STXBP6: variants seen among roughly 807,000 people sequenced by gnomAD.
The protein encoded by STXBP6 is syntaxin binding protein 6.
A neutral mutation model predicts 26.9 loss-of-function variants in STXBP6; 21 were observed. The observed-to-expected ratio is 0.78, with a 90% CI of 0.55 to 1.12. STXBP6 has a LOEUF of 1.12. Ranked by LOEUF, STXBP6 falls within the 50% of genes most tolerant of loss-of-function variation. The pLI is 0.00. For synonymous variants in STXBP6, 97 were observed against 92.6 expected (o/e 1.05, Z -0.27); for missense variants, 232 against 257.9 (o/e 0.90, Z 0.69).
chr14:24,921,285 T>C (rs2071968763), intron 2 of STXBP6, among the ~76,000 whole-genome samples: 1 of 152,158 alleles, frequency 6.6e-6, no homozygotes, highest in Non-Finnish European at 1.5e-5. Flanking sequence ...ACAAACCTGG[T>C]ATAAGCTATA....
chr14:24,892,827 C>T (rs141388012), intron 2 of STXBP6, among the ~76,000 whole-genome samples: 305 of 152,282 alleles, frequency 2.0e-3, no homozygotes, highest in African/African-American at 7.0e-3. Context: ...CAAGCAGGAG[C>T]AGGGGCTTGG....
intron 2 of STXBP6, among the ~76,000 whole-genome samples, chr14:24,902,745 T>C (rs1412500710): frequency 6.6e-6 from 1 of 152,140 alleles, no homozygotes; most frequent in African/African-American, 2.4e-5. Flanking sequence ...TAATCAGAAA[T>C]AAAACCCCAT....
chr14:24,927,026 A>T (rs1045462278), intron 2 of STXBP6, among the ~76,000 whole-genome samples: 1 of 152,198 alleles, frequency 6.6e-6, no homozygotes, highest in East Asian at 1.9e-4. Flanking sequence ...ATTTTAGTGG[A>T]CGCAAACAAG....
At chr14:25,046,720 C>G (rs949698853) in intron 1 of STXBP6, among the ~76,000 whole-genome samples, 7 of 152,200 alleles carry the variant, frequency 4.6e-5, no homozygotes, top group Non-Finnish European at 8.8e-5. Context: ...TTCAAGGCCA[C>G]AGTCTAGGTC....
chr14:25,012,950 T>C (rs912250689), intron 1 of STXBP6, among the ~76,000 whole-genome samples: 1 of 151,796 alleles, frequency 6.6e-6, no homozygotes, highest in Admixed American at 6.6e-5. Flanking sequence ...GGAAATGGCC[T>C]GGAAGGTGGC....
At chr14:24,940,877 G>A (rs139069488) in intron 2 of STXBP6, among the ~76,000 whole-genome samples, 2 of 152,136 alleles carry the variant, frequency 1.3e-5, no homozygotes, top group East Asian at 1.9e-4. Context: ...GTAGCCAGGT[G>A]TGGTGGCAGG....
In STXBP6 at chr14:24,996,140, A is replaced by C. The variant is rs528544067; in HGVS notation, c.-32-21290T>G. Among the ~76,000 whole-genome samples, 5 of 152,342 alleles carry C rather than the reference A, an allele frequency of 3.3e-5. No individual in the cohort carries two copies. The South Asian group carries it at 8.3e-4, about 25-fold the overall frequency. On this transcript the variant is annotated intron_variant, in intron 1 of 5. Coordinates refer to ENST00000323944, the MANE Select transcript of STXBP6 (RefSeq NM_001394410.1). ...CTTGTAGTTTTATAACTTCATGGGT[A>C]AAAGTAATAAACCTACATATATTTT...
chr14:24,952,366 G>A (rs889199193), intron 2 of STXBP6, among the ~76,000 whole-genome samples: 5 of 150,270 alleles, frequency 3.3e-5, no homozygotes, highest in African/African-American at 4.9e-5. Context: ...TTAATCTGTC[G>A]GCATGAATAC....
intron 2 of STXBP6, among the ~76,000 whole-genome samples, chr14:24,936,264 A>G (rs1305874802): frequency 6.6e-6 from 1 of 152,096 alleles, no homozygotes; most frequent in Non-Finnish European, 1.5e-5. Context: ...TCCTCCTCAC[A>G]TATGGATCAC....
chr14:25,015,771 C>G (rs2075134411), intron 1 of STXBP6, among the ~76,000 whole-genome samples: 1 of 150,358 alleles, frequency 6.7e-6, no homozygotes, highest in South Asian at 2.1e-4. Flanking sequence ...TTTTGTAACC[C>G]TGTTATTAAA....
At chr14:24,957,000 C>T (rs1238328123) in intron 2 of STXBP6, among the ~76,000 whole-genome samples, 1 of 152,212 alleles carries the variant, frequency 6.6e-6, no homozygotes, top group East Asian at 1.9e-4. Flanking sequence ...CCCCTCTACA[C>T]ACACACACTA....
chr14:24,937,686 T>C (rs1238832587), intron 2 of STXBP6, among the ~76,000 whole-genome samples: 4 of 152,254 alleles, frequency 2.6e-5, no homozygotes, highest in South Asian at 2.1e-4. Flanking sequence ...ATAGCTGATA[T>C]ATGTTTTAAA....
intron 2 of STXBP6, among the ~76,000 whole-genome samples, chr14:24,909,740 C>CAG (rs1431340813): frequency 6.7e-6 from 1 of 149,758 alleles, no homozygotes. Flanking sequence ...TTTTTTTTGA[C>CAG]AGTCTTGCTC....
At chr14:24,859,780 C>T (rs192757273) in intron 2 of STXBP6, among the ~76,000 whole-genome samples, 1 of 152,242 alleles carries the variant, frequency 6.6e-6, no homozygotes, top group East Asian at 1.9e-4. Flanking sequence ...ATGGCTTCAA[C>T]ATTCACAGGG....
chr14:24,906,966 G>T (rs1270168004), intron 2 of STXBP6, among the ~76,000 whole-genome samples: 1 of 152,098 alleles, frequency 6.6e-6, no homozygotes, highest in African/African-American at 2.4e-5. Context: ...AAAAAAAGTG[G>T]ATCTCATGGA....
At chr14:24,927,917 C>CA (rs2072236923) in intron 2 of STXBP6, among the ~76,000 whole-genome samples, 1 of 151,840 alleles carries the variant, frequency 6.6e-6, no homozygotes, top group Non-Finnish European at 1.5e-5. Context: ...GGATTTAATT[C>CA]TCATTAATCT....
chr14:24,971,528 A>C (rs1009151739), intron 2 of STXBP6, among the ~76,000 whole-genome samples: 18 of 152,230 alleles, frequency 1.2e-4, no homozygotes, highest in Non-Finnish European at 2.2e-4. Flanking sequence ...GAATATTTTC[A>C]TTCCAGGGCT....
intron 1 of STXBP6, among the ~76,000 whole-genome samples, chr14:25,023,215 G>A (rs1046561197): frequency 6.6e-6 from 1 of 151,596 alleles, no homozygotes; most frequent in East Asian, 1.9e-4. Flanking sequence ...CCTATTAGGT[G>A]TAATATCAAA....
intron 1 of STXBP6, among the ~76,000 whole-genome samples, chr14:24,999,643 A>C (rs1018169572): frequency 4.6e-5 from 7 of 152,160 alleles, no homozygotes; most frequent in Non-Finnish European, 7.4e-5. Context: ...ACAGGAGGTG[A>C]CATCTGAAGA....
Sources: allele counts gnomAD v4.1 joint callset (sites outside exome capture counted in the v4.1 genomes callset), GRCh38; gene constraint gnomAD v4.1.1; transcripts MANE v1.5; gene names NCBI Gene and HGNC (gene_info 2026-07-23, HGNC 2026-07-21).